Variants in BBS5 observed in about 807,000 individuals in gnomAD.
The protein encoded by BBS5 is BBSome complex member BBS5.
Under a neutral mutation model 50.2 loss-of-function variants are expected in BBS5, and 39 were observed. The observed-to-expected ratio is 0.78, with a 90% CI of 0.60 to 1.01. The LOEUF (loss-of-function observed/expected upper bound fraction) is 1.01, where lower values mean the gene tolerates loss of function less well. Among genes scored for constraint, BBS5 ranks in the 50% least tolerant of loss-of-function variants. The pLI, the probability that BBS5 is intolerant of heterozygous loss-of-function variation, is 0.00. For missense variants in BBS5, 356 were observed against 401.5 expected (o/e 0.89, Z 0.97); for synonymous variants, 134 against 133.1 (o/e 1.01, Z -0.05).
intron 11 of BBS5, 70 bp from the exon 12 acceptor site, chr2:169,504,410 AT>A: frequency 6.3e-7 from 1 of 1,588,788 alleles, no homozygotes; most frequent in Non-Finnish European, 8.6e-7. Flanking sequence ...TGTGAAACCT[AT>A]TTTTTTGTTT....
Position 169,492,899 on chromosome 2 carries a change from C to T in BBS5, c.412C>T (p.Arg138Cys), listed in dbSNP as rs1238632042. 10 of 1,611,848 alleles carry T rather than the reference C, an allele frequency of 6.2e-6. No individual in the cohort carries two copies. In the East Asian group the frequency reaches 6.7e-5, roughly 11 times the overall value. The change falls in exon 6 of 12, where the codon CGT becomes TGT. Residue 138 changes from arginine (R) to cysteine (C), a missense_variant. Arg to Cys is a radical substitution (Grantham distance 180). Coordinates refer to ENST00000295240, the MANE Select transcript of BBS5 (RefSeq NM_152384.3). The part of the protein sequence containing the change: ...HRAYETSKMY[R>C]DFKLRSALIQ... ...AGCTTATGAAACTTCTAAAATGTAT[C>T]GTGATTTTAAATTAAGAAGTGCACT... is the stretch of plus-strand genomic sequence containing the variant.
intron 5 of BBS5, among the ~76,000 whole-genome samples, chr2:169,490,762 T>A (rs1683582841): frequency 6.6e-6 from 1 of 152,206 alleles, no homozygotes; most frequent in Non-Finnish European, 1.5e-5. Context: ...AATTCCAGAA[T>A]ATTTTCATCA....
intron 3 of BBS5, 47 bp downstream of exon 3, chr2:169,487,181 A>G: frequency 7.5e-7 from 1 of 1,337,340 alleles, no homozygotes; most frequent in Non-Finnish European, 1.1e-6. Context: ...ATCCTTTGTC[A>G]GGTGAATTTG....
intron 7 of BBS5, 123 bp downstream of exon 7, chr2:169,493,959 GAGCATATTTTAA>G (rs1683649425): frequency 3.1e-6 from 2 of 653,940 alleles, no homozygotes; most frequent in South Asian, 3.9e-5. Context: ...TATTAGCTGA[GAGCATATTTTAA>G]AGATGCTGAT....
At chr2:169,501,578 T>G (rs1283280401) in intron 9 of BBS5, among the ~76,000 whole-genome samples, 1 of 151,930 alleles carries the variant, frequency 6.6e-6, no homozygotes, top group Non-Finnish European at 1.5e-5. Flanking sequence ...CTCTACTAAA[T>G]TTTTTTTAAA....
chr2:169,506,136 T>G lies in BBS5; in HGVS notation c.*1554T>G, dbSNP rs1574346954. On this transcript the variant is annotated 3_prime_UTR_variant, in exon 12 of 12. Transcript: ENST00000295240. ...CCCGTCCAGGAGGGAGGTGGGGGGG[T>G]CAGCCCCCCGCCCGGCCAGCCGCCC... The G allele has an allele frequency of 8.0e-6, 1 of 124,618 alleles. No individual in the cohort carries two copies. 7.7% of individuals were successfully genotyped at this position (124,618 alleles called of 1,614,324 possible).
At chr2:169,501,294 T>A (rs1424104189) in intron 9 of BBS5, among the ~76,000 whole-genome samples, 1 of 152,190 alleles carries the variant, frequency 6.6e-6, no homozygotes, top group Non-Finnish European at 1.5e-5. Context: ...GTCATACCAG[T>A]CTCTTCCCTG....
rs1683876549 is a variant in BBS5 at position 169,504,902 on chromosome 2, G to A, written c.*320G>A. ...GCACGCCCGGCTGCAAATTCGCCCA[G>A]CCAATGGGGACGTTGCGGCCCAGTG... On this transcript the variant is annotated 3_prime_UTR_variant, in exon 12 of 12. Coordinates refer to ENST00000295240, the MANE Select transcript of BBS5 (RefSeq NM_152384.3). 3 of 1,613,702 alleles carry A rather than the reference G, an allele frequency of 1.9e-6. No homozygotes were observed. Among genetic ancestry groups the A allele is most frequent in the South Asian group, 1.1e-5 (1 of 91,090 alleles).
intron 5 of BBS5, among the ~76,000 whole-genome samples, chr2:169,490,121 C>T (rs1261312726): frequency 7.4e-5 from 11 of 149,082 alleles, no homozygotes; most frequent in South Asian, 2.1e-4. Flanking sequence ...GTGATCTGCC[C>T]GCCTCAGCCT....
intron 7 of BBS5, among the ~76,000 whole-genome samples, chr2:169,495,391 C>T (rs772326766): frequency 4.6e-5 from 7 of 152,110 alleles, no homozygotes; most frequent in Non-Finnish European, 7.4e-5. Context: ...GCTTTCTGTT[C>T]TTTTTGTTAT....
intron 7 of BBS5, among the ~76,000 whole-genome samples, chr2:169,494,565 A>C (rs1474927971): frequency 6.6e-6 from 1 of 152,080 alleles, no homozygotes; most frequent in African/African-American, 2.4e-5. Flanking sequence ...TAAAAAAAAA[A>C]AAAACTATGA....
At position 169,485,796 on chromosome 2, in the gene BBS5, A is replaced by C. The variant is rs1312489163; in HGVS notation, c.143-1273A>C. Among the ~76,000 whole-genome samples, 4 of 152,308 alleles carry C rather than the reference A, an allele frequency of 2.6e-5. No individual in the cohort carries two copies. The East Asian group carries it at 7.7e-4, about 29-fold the overall frequency. On this transcript the variant is annotated intron_variant, in intron 2 of 11. Transcript: ENST00000295240. ...TGGAAGAGCCATGGCAGAAGATCAA[A>C]GGGAGGCAGGAGTTTGAGGTCTGGG...
Position 169,481,230 on chromosome 2 carries a change from A to G in BBS5, c.60-1021A>G, listed in dbSNP as rs529559794. Among the ~76,000 whole-genome samples the G allele has an allele frequency of 9.8e-5, 15 of 152,354 alleles. No individual in the cohort carries two copies. The South Asian group carries it at 3.1e-3, about 32-fold the overall frequency. On this transcript the variant is annotated intron_variant, in intron 1 of 11. Coordinates refer to ENST00000295240, the MANE Select transcript of BBS5 (RefSeq NM_152384.3). The stretch of plus-strand genomic sequence containing the variant: ...AGCTGAGACTCATAGAAACAGAACA[A>G]TTTATTCTACCTGGTGAAGTCCTTG...
At position 169,488,240 on chromosome 2, in the gene BBS5, G is replaced by A. The variant is rs990390913; in HGVS notation, c.386+126G>A. ...GGAAGACAGTTTTTCCACGAATTGG[G>A]TGAGGGTATGGTTTCAAGATGATTC... On this transcript the variant is annotated intron_variant, in intron 5 of 11. Transcript: ENST00000295240. 3.6e-5 allele frequency: 32 copies of A among 881,144 alleles called. No individual in the cohort carries two copies. In the African/African-American group the frequency reaches 4.9e-4, roughly 13 times the overall value. The allele number at this position is 881,144 out of a possible 1,614,324, so 54.6% of individuals were successfully genotyped here.
intron 2 of BBS5, among the ~76,000 whole-genome samples, chr2:169,484,850 A>G (rs1225390006): frequency 2.6e-5 from 4 of 152,208 alleles, no homozygotes; most frequent in Non-Finnish European, 4.4e-5. Flanking sequence ...AGGGACAGCC[A>G]TATTTCAGTG....
intron 9 of BBS5, among the ~76,000 whole-genome samples, chr2:169,501,357 CTTAGAACCTGACTTT>C (rs1683797772): frequency 6.6e-6 from 1 of 152,092 alleles, no homozygotes; most frequent in South Asian, 2.1e-4. Context: ...AAGCATGGTC[CTTAGAACCTGACTTT>C]CAATCCCAGT....
chr2:169,479,545 T>C lies in BBS5; in HGVS notation c.-9T>C, dbSNP rs1255462198. The C allele has an allele frequency of 2.5e-6, 4 of 1,614,020 alleles. No homozygotes were observed. Among genetic ancestry groups the C allele is most frequent in the Non-Finnish European group, 2.5e-6 (3 of 1,179,996 alleles). On this transcript the variant is annotated 5_prime_UTR_variant, in exon 1 of 12. Coordinates refer to ENST00000295240, the MANE Select transcript of BBS5 (RefSeq NM_152384.3). Reference sequence around the variant, plus strand: ...CTGTGGAGAGATCCTGCCACGGGCCTTGTTCACCATGTCGGTGCTGGATGC... The same window carrying C: ...CTGTGGAGAGATCCTGCCACGGGCCCTGTTCACCATGTCGGTGCTGGATGC...
chr2:169,497,989 T>A (rs2105300598), intron 8 of BBS5, among the ~76,000 whole-genome samples: 1 of 152,324 alleles, frequency 6.6e-6, no homozygotes. Context: ...AATCCTACGA[T>A]ACAGCTACTA....
intron 7 of BBS5, among the ~76,000 whole-genome samples, chr2:169,497,136 A>G (rs968683498): frequency 6.6e-6 from 1 of 152,284 alleles, no homozygotes; most frequent in East Asian, 1.9e-4. Flanking sequence ...CCTAGGCAGC[A>G]TAGTGAGACC....
Sources: allele counts gnomAD v4.1 joint callset (sites outside exome capture counted in the v4.1 genomes callset), GRCh38; gene constraint gnomAD v4.1.1; transcripts MANE v1.5; gene names NCBI Gene and HGNC (gene_info 2026-07-23, HGNC 2026-07-21).